PDE6B: variants seen among roughly 807,000 people sequenced by gnomAD.
PDE6B encodes the protein rod cGMP-specific 3',5'-cyclic phosphodiesterase subunit beta.
Under a neutral mutation model 109.0 loss-of-function variants are expected in PDE6B, and 106 were observed. The ratio of observed to expected loss-of-function variants is 0.97; its 90% CI spans 0.83 to 1.14. PDE6B has a LOEUF of 1.14. Ranked by LOEUF, PDE6B falls within the 50% of genes most tolerant of loss-of-function variation. PDE6B has a pLI of 0.00. For synonymous variants in PDE6B, 490 were observed against 471.3 expected, an observed-to-expected ratio of 1.04 and a Z score of -0.51; for missense variants, 1,193 against 1,155.6, an observed-to-expected ratio of 1.03 and a Z score of -0.47.
intron 11 of PDE6B, among the ~76,000 whole-genome samples, chr4:659,480 T>C (rs1736766005): frequency 1.3e-5 from 2 of 151,846 alleles, no homozygotes; most frequent in Non-Finnish European, 2.9e-5. Context: ...CATGTGGGTG[T>C]CTGTGTGTGC....
intron 10 of PDE6B, among the ~76,000 whole-genome samples, chr4:658,272 C>G (rs1736609837): frequency 7.7e-6 from 1 of 130,560 alleles, no homozygotes; most frequent in Non-Finnish European, 1.6e-5. Flanking sequence ...GGGGTCACGG[C>G]TGTGCGGCGG....
At position 660,654 on chromosome 4, in the gene PDE6B, C is replaced by A. The variant is rs370587042; in HGVS notation, c.1614+41C>A. 3.8e-5 allele frequency: 61 copies of A among 1,591,204 alleles called. No homozygotes were observed. The East Asian group carries it at 1.2e-3, about 32-fold the overall frequency. ...GGGCGCATAGTCAGGTCCCTGAGGC[C>A]GCCCAGGACATGGGGGTGGGGATGT... On this transcript the variant is annotated intron_variant, in intron 12 of 21. Transcript: ENST00000496514.
chr4:669,781 A>G (rs1166202226), intron 21 of PDE6B, among the ~76,000 whole-genome samples: 1 of 145,902 alleles, frequency 6.9e-6, no homozygotes, highest in Non-Finnish European at 1.5e-5. Context: ...CCCCTACCCC[A>G]TGCTATTCCC....
At position 670,489 on chromosome 4, in the gene PDE6B, G is replaced by C. The variant is rs749118636; in HGVS notation, c.*382G>C. On this transcript the variant is annotated 3_prime_UTR_variant, in exon 22 of 22. Coordinates refer to ENST00000496514, the MANE Select transcript of PDE6B (RefSeq NM_000283.4). The stretch of plus-strand genomic sequence containing the variant: ...AACTCCTGACCTCAGGTGATCACCC[G>C]CCTCAGCTTCCTGAAGTGCTGGGAT... 5 of 252,418 alleles carry C rather than the reference G, an allele frequency of 2.0e-5. No homozygotes were observed. Among genetic ancestry groups the C allele is most frequent in the Non-Finnish European group, 3.1e-5 (4 of 127,468 alleles). 15.6% of individuals were successfully genotyped at this position (252,418 alleles called of 1,614,324 possible).
chr4:642,689 G>A (rs1377034770), intron 3 of PDE6B, among the ~76,000 whole-genome samples: 5 of 122,170 alleles, frequency 4.1e-5, no homozygotes, highest in African/African-American at 1.3e-4. Flanking sequence ...CCAGCAACTC[G>A]CCACTGCACT....
At chr4:654,459 ATGCGTGTG>A in intron 5 of PDE6B, 1 of 603,170 alleles carries the variant, frequency 1.7e-6, no homozygotes, top group African/African-American at 1.8e-5. Flanking sequence ...CACGTGTAGG[ATGCGTGTG>A]TGTGTGTGTG....
chr4:670,133 G>T lies in PDE6B; in HGVS notation c.*26G>T. 1 of 1,611,722 alleles carries T rather than the reference G, an allele frequency of 6.2e-7. No homozygotes were observed. Among genetic ancestry groups the T allele is most frequent in the Non-Finnish European group, 8.5e-7 (1 of 1,178,534 alleles). On this transcript the variant is annotated 3_prime_UTR_variant, in exon 22 of 22. Coordinates refer to ENST00000496514, the MANE Select transcript of PDE6B (RefSeq NM_000283.4). Reference sequence around the variant, plus strand: ...GCACTGGTCCCATGGGGACCCTATGGCTCCCTCAATCTTCACCCACTAGGA... The same window carrying T: ...GCACTGGTCCCATGGGGACCCTATGTCTCCCTCAATCTTCACCCACTAGGA...
intron 3 of PDE6B, chr4:652,077 GCAGGAGT>G (rs1036917632): frequency 1.1e-4 from 15 of 136,210 alleles, no homozygotes; most frequent in African/African-American, 3.9e-4. Flanking sequence ...CATCGGTGAG[GCAGGAGT>G]CAGGGTAGGC....
rs1345325524 is a variant in PDE6B at position 663,740 on chromosome 4, C to T, written c.1921-30C>T. 2 of 1,559,006 alleles carry T rather than the reference C, an allele frequency of 1.3e-6. No homozygotes were observed. Among genetic ancestry groups the T allele is most frequent in the South Asian group, 2.2e-5 (2 of 89,874 alleles). On this transcript the variant is annotated intron_variant, in intron 15 of 21. Coordinates refer to ENST00000496514, the MANE Select transcript of PDE6B (RefSeq NM_000283.4). This position sits in a 1 kb window ranked among gnomAD's most constrained non-coding sequence, Gnocchi z 4.0. ...GGCACCCTGAGAGGTGGCCGCAGGG[C>T]GCCTGACGCGCTGGGCATAACCTCC...
In PDE6B at chr4:663,824, C is replaced by G; in HGVS notation, c.1975C>G (p.Leu659Val). ...GCGGCAGCACGAGCACGTGATCCACCTGATGGACATCGCCATCATCGCCAC... is the reference window on the plus strand; with the variant it reads ...GCGGCAGCACGAGCACGTGATCCACGTGATGGACATCGCCATCATCGCCAC... ...NRRQHEHVIH[L>V]MDIAIIATDL... Residue 659 changes from leucine to valine, a missense_variant, in exon 16 of 22, where the codon CTG becomes GTG. By Grantham distance (32) the Leu-to-Val change is conservative. Coordinates refer to ENST00000496514, the MANE Select transcript of PDE6B (RefSeq NM_000283.4). This position sits in a 1 kb window ranked among gnomAD's most constrained non-coding sequence, Gnocchi z 4.0. The G allele has an allele frequency of 6.2e-7, 1 of 1,612,562 alleles. No homozygotes were observed. Among genetic ancestry groups the G allele is most frequent in the Non-Finnish European group, 8.5e-7 (1 of 1,179,554 alleles).
chr4:651,783 G>C (rs1310583945), intron 3 of PDE6B: 1 of 151,932 alleles, frequency 6.6e-6, no homozygotes, highest in African/African-American at 2.4e-5. Flanking sequence ...AGAGTGCTAG[G>C]GCGGTCGCCA....
rs1483617000 is a variant in PDE6B, at chr4:635,697, T to G, written c.622-183T>G. Among the ~76,000 whole-genome samples, 12 of 152,172 alleles carry G rather than the reference T, an allele frequency of 7.9e-5. No homozygotes were observed. The East Asian group carries it at 1.5e-3, about 19-fold the overall frequency. On this transcript the variant is annotated intron_variant, in intron 2 of 21. Transcript: ENST00000496514. ...CCTGTCTGTGTGTAAGAGAGAGAGA[T>G]AGCTTGCGTGCCCACCCTGTGCACC...
At position 665,417 on chromosome 4, in the gene PDE6B, C is replaced by A; in HGVS notation, c.2268+88C>A. 1.1e-6 allele frequency: 1 copy of A among 906,638 alleles called. No individual in the cohort carries two copies. Among genetic ancestry groups the A allele is most frequent in the Non-Finnish European group, 1.8e-6 (1 of 548,538 alleles). The allele number at this position is 906,638 out of a possible 1,614,324, so 56.2% of individuals were successfully genotyped here. The stretch of plus-strand genomic sequence containing the variant: ...CAGGAGCCTCAGGTCCTGGCTTGGT[C>A]TCAGGCAGGGGGTTCTGAGGTCGTG... On this transcript the variant is annotated intron_variant, in intron 19 of 21. Transcript: ENST00000496514. The surrounding 1 kb of genome is among the most constrained non-coding windows in gnomAD (Gnocchi z 4.0).
Position 666,452 on chromosome 4 carries a change from AG to A in PDE6B, c.2269-74del. ...GTGTCTCCATGAGCACATCTGAGTG[AG>A]GGGGTCGGGGGGCTGGGCGGGGCCC... On this transcript the variant is annotated intron_variant, in intron 19 of 21. Transcript: ENST00000496514. The surrounding 1 kb of genome is among the most constrained non-coding windows in gnomAD (Gnocchi z 5.6). The A allele has an allele frequency of 1.1e-6, 1 of 879,774 alleles. No homozygotes were observed. Among genetic ancestry groups the A allele is most frequent in the Non-Finnish European group, 1.9e-6 (1 of 517,510 alleles). The allele number at this position is 879,774 out of a possible 1,614,324, so 54.5% of individuals were successfully genotyped here.
In PDE6B at chr4:666,939, ACT is replaced by A. The variant is rs1022625403; in HGVS notation, c.2352+326_2352+327del. ...CAGTGCCCTCCGCCGTGGCCAGCACACTGTTTTGGGGGCCTTGGCTGCAGCTC... is the reference window on the plus strand; with the variant it reads ...CAGTGCCCTCCGCCGTGGCCAGCACAGTTTTGGGGGCCTTGGCTGCAGCTC... On this transcript the variant is annotated intron_variant, in intron 20 of 21. Transcript: ENST00000496514. This position sits in a 1 kb window ranked among gnomAD's most constrained non-coding sequence, Gnocchi z 5.6. Among the ~76,000 whole-genome samples, 1 of 152,068 alleles carries A rather than the reference ACT, an allele frequency of 6.6e-6. No individual in the cohort carries two copies. Among genetic ancestry groups the A allele is most frequent in the African/African-American group, 2.4e-5 (1 of 41,404 alleles).
intron 12 of PDE6B, 30 bp downstream of exon 12, chr4:660,643 G>A (rs1736960019): frequency 7.5e-6 from 12 of 1,608,624 alleles, no homozygotes; most frequent in Non-Finnish European, 8.5e-6. Flanking sequence ...GCATAGTCAG[G>A]TCCCTGAGGC....
intron 3 of PDE6B, among the ~76,000 whole-genome samples, chr4:650,020 G>C (rs1290674475): frequency 2.6e-5 from 4 of 152,192 alleles, no homozygotes; most frequent in Non-Finnish European, 5.9e-5. Flanking sequence ...ATGCAGGAGG[G>C]ACACAACCTC....
At chr4:657,564 G>C in intron 10 of PDE6B, 70 bp downstream of exon 10, 2 of 1,503,598 alleles carry the variant, frequency 1.3e-6, no homozygotes. Flanking sequence ...GGTCGTCCAG[G>C]GGTCACCCAG....
In PDE6B at chr4:663,038, C is replaced by T; in HGVS notation, c.1833-62C>T. 2 of 928,646 alleles carry T rather than the reference C, an allele frequency of 2.2e-6. No homozygotes were observed. The highest frequency in any genetic ancestry group is 2.4e-5 in the East Asian group (1 of 41,852). 57.5% of individuals were successfully genotyped at this position (928,646 alleles called of 1,614,324 possible). ...AAGTGGGGCCCATCTGGGGGGGCTG[C>T]AGAGCGCAGGGTGGGCCAAGGGCAG... On this transcript the variant is annotated intron_variant, in intron 14 of 21. Transcript: ENST00000496514. This position sits in a 1 kb window ranked among gnomAD's most constrained non-coding sequence, Gnocchi z 4.0.
Sources: gnomAD v4.1 joint callset for allele counts (sites outside exome capture counted in the v4.1 genomes callset) on GRCh38, gnomAD v4.1.1 for gene constraint, Gnocchi (gnomAD v3.1) non-coding constraint, MANE v1.5 for transcripts, NCBI Gene and HGNC (gene_info 2026-07-23, HGNC 2026-07-21) for gene names.